SLC2A9: variants seen among roughly 807,000 people sequenced by gnomAD.
The protein encoded by SLC2A9 is solute carrier family 2 member 9, also known as solute carrier family 2, facilitated glucose transporter member 9.
A neutral mutation model predicts 50.6 loss-of-function variants in SLC2A9; 39 were observed. The ratio of observed to expected loss-of-function variants is 0.77; its 90% CI spans 0.60 to 1.01. The LOEUF (loss-of-function observed/expected upper bound fraction) is 1.01. Ranked by LOEUF, SLC2A9 falls within the 50% of genes least tolerant of loss-of-function variation. SLC2A9 has a pLI of 0.00. For synonymous variants in SLC2A9, 324 were observed against 276.9 expected (o/e 1.17, Z -1.69); for missense variants, 686 against 677.6 (o/e 1.01, Z -0.14).
At chr4:9,985,159 G>A (rs6849736) in intron 4 of SLC2A9, among the ~76,000 whole-genome samples, 15,065 of 152,018 alleles carry the variant, frequency 0.099, 1,093 homozygotes, top group East Asian at 0.39. Context: ...ACATGCTACT[G>A]TCTACCTTAT....
chr4:10,004,824 C>T (rs1268711357), intron 2 of SLC2A9, among the ~76,000 whole-genome samples: 1 of 152,190 alleles, frequency 6.6e-6, no homozygotes, highest in Non-Finnish European at 1.5e-5. Context: ...TTACCTAGAG[C>T]TTTCCTTTTA....
intron 3 of SLC2A9, among the ~76,000 whole-genome samples, chr4:9,790,607 G>A (rs113017836): frequency 0.025 from 3,741 of 152,260 alleles, 140 homozygotes; most frequent in African/African-American, 0.081. Flanking sequence ...TTTGGGAGGT[G>A]GGGGATGTGT....
chr4:9,933,270 G>A (rs62294290), intron 6 of SLC2A9, among the ~76,000 whole-genome samples: 5,077 of 152,318 alleles, frequency 0.033, 116 homozygotes, highest in Middle Eastern at 0.051. Flanking sequence ...TTAGAAGTGA[G>A]CCAATGCCAA....
chr4:9,950,095 T>C (rs553266231), intron 5 of SLC2A9, among the ~76,000 whole-genome samples: 5 of 152,302 alleles, frequency 3.3e-5, no homozygotes, highest in African/African-American at 1.2e-4. Flanking sequence ...AGGGTCAATG[T>C]CACCCTCTCC....
At chr4:10,036,810 G>A (rs141090791) in intron 1 of SLC2A9, among the ~76,000 whole-genome samples, 415 of 152,280 alleles carry the variant, frequency 2.7e-3, no homozygotes, top group Admixed American at 4.9e-3. Context: ...AACAACAGGC[G>A]GTGCATGCTT....
chr4:10,027,450 G>C (rs1389348979), intron 1 of SLC2A9, among the ~76,000 whole-genome samples: 1 of 152,102 alleles, frequency 6.6e-6, no homozygotes, highest in Non-Finnish European at 1.5e-5. Context: ...CACTTCCCCA[G>C]CTTCCATTCT....
At chr4:10,031,287 A>G (rs1448289226) in intron 1 of SLC2A9, among the ~76,000 whole-genome samples, 1 of 152,244 alleles carries the variant, frequency 6.6e-6, no homozygotes, top group Non-Finnish European at 1.5e-5. Flanking sequence ...CAGCACTGTA[A>G]TGATCAGAGT....
intron 8 of SLC2A9, among the ~76,000 whole-genome samples, chr4:9,897,966 G>C (rs1184869768): frequency 6.6e-6 from 1 of 152,142 alleles, no homozygotes; most frequent in East Asian, 1.9e-4. Flanking sequence ...CAGGGGTTGG[G>C]ATGATGCTTC....
In SLC2A9 at chr4:9,807,491, G is replaced by A. The variant is rs191810415; in HGVS notation, n.421-8250C>T. Among the ~76,000 whole-genome samples the A allele has an allele frequency of 3.4e-3, 513 of 152,250 alleles. 4 individuals are homozygous for A. Among genetic ancestry groups the A allele is most frequent in the African/African-American group, 0.011 (465 of 41,544 alleles). ...TTGAGACTTGCCACAGACTCTTCCTGTCTGTTTATCAGTTCTCTCCTCTGC... is the reference window on the plus strand; with the variant it reads ...TTGAGACTTGCCACAGACTCTTCCTATCTGTTTATCAGTTCTCTCCTCTGC... On this transcript the variant is annotated intron_variant and non_coding_transcript_variant, in intron 3 of 3. Transcript: ENST00000503280.
chr4:10,033,268 A>G (rs980035650), intron 1 of SLC2A9, among the ~76,000 whole-genome samples: 1 of 152,086 alleles, frequency 6.6e-6, no homozygotes, highest in African/African-American at 2.4e-5. Flanking sequence ...TGTCACCCCC[A>G]CTGTCTATCA....
chr4:9,984,994 T>G (rs148794279), intron 4 of SLC2A9, among the ~76,000 whole-genome samples: 1 of 152,294 alleles, frequency 6.6e-6, no homozygotes, highest in Non-Finnish European at 1.5e-5. Flanking sequence ...TCCTTCCGCC[T>G]CTGAGACATA....
chr4:9,935,955 A>G (rs1047966845), intron 6 of SLC2A9, among the ~76,000 whole-genome samples: 4 of 152,204 alleles, frequency 2.6e-5, no homozygotes, highest in Non-Finnish European at 5.9e-5. Flanking sequence ...GTGTCTGAAC[A>G]CACCAGGCAC....
Position 9,782,104 on chromosome 4 carries a change from C to A in SLC2A9, n.386-2039G>T, listed in dbSNP as rs758502580. The A allele has an allele frequency of 2.6e-6, 4 of 1,535,920 alleles. No homozygotes were observed. In the Admixed American group the frequency reaches 7.9e-5, roughly 30 times the overall value. On this transcript the variant is annotated intron_variant and non_coding_transcript_variant, in intron 3 of 3. Coordinates refer to the SLC2A9 transcript ENST00000503803. ...TATACCAGCAGCTGGCGCAGGGGAA[C>A]GCCGTGGGGGGCTCGGCGGGGGCAC... is the stretch of plus-strand genomic sequence containing the variant.
intron 7 of SLC2A9, among the ~76,000 whole-genome samples, chr4:9,917,867 C>T (rs984072025): frequency 2.6e-5 from 4 of 152,114 alleles, no homozygotes; most frequent in African/African-American, 9.7e-5. Flanking sequence ...AGCCTAGGCA[C>T]ACAGCACAGC....
intron 10 of SLC2A9, among the ~76,000 whole-genome samples, chr4:9,843,927 G>A (rs1478619268): frequency 9.9e-5 from 15 of 152,046 alleles, no homozygotes; most frequent in Admixed American, 9.8e-4. Flanking sequence ...GGCAGAAAAG[G>A]CCTTCCCCAA....
At chr4:9,782,838 A>C in intron 3 of SLC2A9, 1 of 1,613,006 alleles carries the variant, frequency 6.2e-7, no homozygotes, top group Non-Finnish European at 8.5e-7. Context: ...GAGCACGCGC[A>C]GAGCTGCCGG....
intron 10 of SLC2A9, among the ~76,000 whole-genome samples, chr4:9,844,149 TAAAAAAAAAATAATAATA>T (rs1728539829): frequency 3.0e-5 from 2 of 66,856 alleles, no homozygotes; most frequent in Non-Finnish European, 4.9e-5. Flanking sequence ...CCAGATTTAG[TAAAAAAAAAATAATAATA>T]AAAAAAAAAA....
chr4:9,880,809 G>A (rs891743552), intron 10 of SLC2A9, among the ~76,000 whole-genome samples: 1 of 152,160 alleles, frequency 6.6e-6, no homozygotes, highest in Admixed American at 6.5e-5. Flanking sequence ...TAGTGGCAAT[G>A]CCCACACCTT....
intron 2 of SLC2A9, among the ~76,000 whole-genome samples, chr4:10,016,061 A>G (rs189107997): frequency 2.6e-5 from 4 of 152,204 alleles, no homozygotes; most frequent in African/African-American, 9.6e-5. Context: ...GGGCTCCTCT[A>G]AAGTATGCAT....
Sources: gnomAD v4.1 joint callset for allele counts (sites outside exome capture counted in the v4.1 genomes callset) on GRCh38, gnomAD v4.1.1 for gene constraint, MANE v1.5 for transcripts, NCBI Gene and HGNC (gene_info 2026-07-23, HGNC 2026-07-21) for gene names.